RARB: variants seen among roughly 807,000 people sequenced by gnomAD.
The protein encoded by RARB is retinoic acid receptor beta, also known as HBV-activated protein.
RARB carries 17 observed loss-of-function variants against 51.9 expected under a neutral mutation model. The ratio of observed to expected loss-of-function variants is 0.33; its 90% CI spans 0.22 to 0.49. The LOEUF (loss-of-function observed/expected upper bound fraction) is 0.49, where lower values mean the gene tolerates loss of function less well. RARB is among the 20% of genes least tolerant of loss of function. RARB has a pLI of 0.99. For missense variants in RARB, 369 were observed against 550.8 expected (o/e 0.67, Z 3.30); for synonymous variants, 215 against 195.4 (o/e 1.10, Z -0.84).
At chr3:25,093,443 G>T (rs1381974745) in intron 3 of RARB, among the ~76,000 whole-genome samples, 1 of 151,986 alleles carries the variant, frequency 6.6e-6, no homozygotes, top group East Asian at 1.9e-4. Context: ...CTAGGCTTGG[G>T]CCAAACTAAC....
intron 4 of RARB, among the ~76,000 whole-genome samples, chr3:25,143,569 C>T (rs1424681931): frequency 6.6e-6 from 1 of 152,174 alleles, no homozygotes; most frequent in South Asian, 2.1e-4. Context: ...AGCTTAGGCA[C>T]TCCTCCTTAA....
At chr3:25,023,153 G>A (rs188948083) in intron 2 of RARB, among the ~76,000 whole-genome samples, 1 of 152,202 alleles carries the variant, frequency 6.6e-6, no homozygotes, top group East Asian at 1.9e-4. Flanking sequence ...TGGCCTGCCT[G>A]GGTCTCAAGT....
chr3:25,202,316 C>A (rs1689786948), intron 5 of RARB, among the ~76,000 whole-genome samples: 1 of 151,398 alleles, frequency 6.6e-6, no homozygotes, highest in Non-Finnish European at 1.5e-5. Context: ...CTATTTGATT[C>A]TTCTCTCTTT....
At chr3:25,227,693 A>G (rs1331178469) in intron 5 of RARB, among the ~76,000 whole-genome samples, 1 of 152,016 alleles carries the variant, frequency 6.6e-6, no homozygotes, top group Non-Finnish European at 1.5e-5. Flanking sequence ...ATACTCTTTT[A>G]TTATCATAAT....
At chr3:25,059,639 A>C (rs953731466) in intron 2 of RARB, among the ~76,000 whole-genome samples, 6 of 151,834 alleles carry the variant, frequency 4.0e-5, no homozygotes, top group African/African-American at 9.7e-5. Flanking sequence ...GGGAGCTTCT[A>C]GGATATGAGC....
At chr3:25,557,161 A>G (rs1050527173) in intron 3 of RARB, among the ~76,000 whole-genome samples, 1 of 132,142 alleles carries the variant, frequency 7.6e-6, no homozygotes, top group Non-Finnish European at 1.7e-5. Flanking sequence ...ACACACACAC[A>G]CACACACACA....
chr3:25,570,293 C>T (rs1700659327), intron 4 of RARB, among the ~76,000 whole-genome samples: 1 of 152,208 alleles, frequency 6.6e-6, no homozygotes, highest in South Asian at 2.1e-4. Context: ...GCCAGTGAAG[C>T]GTTACATGGG....
chr3:24,921,719 A>G (rs1695221067), intron 2 of RARB, among the ~76,000 whole-genome samples: 2 of 152,300 alleles, frequency 1.3e-5, no homozygotes, highest in Middle Eastern at 6.8e-3. Flanking sequence ...ATCTTAAGCA[A>G]TGCCCTCTAC....
intron 2 of RARB, among the ~76,000 whole-genome samples, chr3:25,058,743 G>T (rs975268098): frequency 6.6e-6 from 1 of 151,398 alleles, no homozygotes; most frequent in Non-Finnish European, 1.5e-5. Context: ...TTATGCAATT[G>T]ATCAAAAATT....
chr3:25,044,036 T>A (rs896298018), intron 2 of RARB, among the ~76,000 whole-genome samples: 2 of 152,088 alleles, frequency 1.3e-5, no homozygotes, highest in Admixed American at 6.5e-5. Context: ...ATTTTTTTTT[T>A]AATTAGAGTT....
chr3:25,557,378 C>T (rs1352283812), intron 3 of RARB, among the ~76,000 whole-genome samples: 1 of 152,164 alleles, frequency 6.6e-6, no homozygotes, highest in Non-Finnish European at 1.5e-5. Context: ...TCCATGGATA[C>T]CATTCCAATC....
intron 2 of RARB, among the ~76,000 whole-genome samples, chr3:24,944,121 G>C (rs1425724965): frequency 1.3e-5 from 2 of 152,138 alleles, no homozygotes; most frequent in Non-Finnish European, 2.9e-5. Flanking sequence ...CTCTTTACTG[G>C]ATATTATGAA....
rs1701885031 is a variant in RARB, at chr3:25,597,368, T to TTAAAAGTGGTTTATTACTTGTTTAA, written c.*754_*778dup. The TTAAAAGTGGTTTATTACTTGTTTAA allele has an allele frequency of 6.6e-6, 1 of 152,064 alleles. No individual in the cohort carries two copies. Among genetic ancestry groups the TTAAAAGTGGTTTATTACTTGTTTAA allele is most frequent in the African/African-American group, 2.4e-5 (1 of 41,286 alleles). The allele number at this position is 152,064 out of a possible 1,614,324, so 9.4% of individuals were successfully genotyped here. On this transcript the variant is annotated 3_prime_UTR_variant, in exon 8 of 8. Coordinates refer to ENST00000330688, the MANE Select transcript of RARB (RefSeq NM_000965.5). The stretch of plus-strand genomic sequence containing the variant: ...GTTCAATTGTTAATGTCACTTTAAA[T>TTAAAAGTGGTTTATTACTTGTTTAA]TAAAAGTGGTTTATTACTTGTTTAA...
chr3:24,982,656 C>T (rs768194528), intron 2 of RARB, among the ~76,000 whole-genome samples: 8 of 152,168 alleles, frequency 5.3e-5, no homozygotes, highest in Non-Finnish European at 1.0e-4. Context: ...TCCCTTTTCT[C>T]CTCTTTCCAT....
rs1441025570 is a variant in RARB, at chr3:24,923,925, T to A, written c.-380+65173T>A. ...GTTTCTATGGTTGTAGATTCTTAGA[T>A]ATTTCAACAGAATGAAATCTTAGAA... On this transcript the variant is annotated intron_variant, in intron 2 of 11. Transcript: ENST00000383772. Among the ~76,000 whole-genome samples, 3 of 152,192 alleles carry A rather than the reference T, an allele frequency of 2.0e-5. No individual in the cohort carries two copies. In the East Asian group the frequency reaches 5.8e-4, roughly 29 times the overall value.
intron 5 of RARB, among the ~76,000 whole-genome samples, chr3:25,197,941 G>A (rs905151420): frequency 6.6e-6 from 1 of 152,028 alleles, no homozygotes; most frequent in African/African-American, 2.4e-5. Context: ...ATCCTAAAAT[G>A]TATATGGGAC....
At position 24,877,346 on chromosome 3, in the gene RARB, C is replaced by CTTTTTTTT. The variant is rs66976672; in HGVS notation, c.-380+18604_-380+18611dup. On this transcript the variant is annotated intron_variant, in intron 2 of 11. Transcript: ENST00000383772. ...ATAGTAATTTTTTAAAGCAATCTTA[C>CTTTTTTTT]TTTTTTTTTTTTTTTTTGGAAAATT... 6.6e-3 allele frequency among the ~76,000 whole-genome samples: 538 copies of CTTTTTTTT among 81,824 alleles called. 82 individuals carry two copies. The highest frequency in any genetic ancestry group is 0.02 in the South Asian group (36 of 1,832). 53.7% of individuals were successfully genotyped at this position (81,824 alleles called of 152,430 possible). A position where few individuals can be genotyped will look rare whatever the true frequency, so the allele number is the denominator to read the frequency against.
chr3:24,889,096 G>A (rs1408386512), intron 2 of RARB, among the ~76,000 whole-genome samples: 2 of 152,190 alleles, frequency 1.3e-5, no homozygotes, highest in South Asian at 4.1e-4. Context: ...TGTCCCCTGT[G>A]AGGACTCACT....
chr3:25,591,814 G>A (rs1390954739), intron 5 of RARB, among the ~76,000 whole-genome samples: 1 of 152,168 alleles, frequency 6.6e-6, no homozygotes, highest in African/African-American at 2.4e-5. Flanking sequence ...TCACTCTATA[G>A]GATGTCCTGG....
Sources: allele counts gnomAD v4.1 joint callset (sites outside exome capture counted in the v4.1 genomes callset), GRCh38; gene constraint gnomAD v4.1.1; transcripts MANE v1.5; gene names NCBI Gene and HGNC (gene_info 2026-07-23, HGNC 2026-07-21).